The following EIF4G3 variants were observed in gnomAD, a reference collection of about 807,000 sequenced individuals.
EIF4G3 encodes eIF-4-gamma 3.
EIF4G3 carries 34 observed loss-of-function variants against 186.4 expected under a neutral mutation model. That is an observed-to-expected ratio of 0.18 (90% confidence interval 0.14 to 0.24). The LOEUF is 0.24. Among genes scored for constraint, EIF4G3 ranks in the 10% least tolerant of loss-of-function variants. EIF4G3 has a pLI of 1.00. For missense variants in EIF4G3, 1,536 were observed against 1,948.5 expected, an observed-to-expected ratio of 0.79 and a Z score of 3.99; for synonymous variants, 673 against 679.5, an observed-to-expected ratio of 0.99 and a Z score of 0.15.
At chr1:20,916,438 C>T (rs768990509) in intron 14 of EIF4G3, among the ~76,000 whole-genome samples, 1 of 151,070 alleles carries the variant, frequency 6.6e-6, no homozygotes, top group Non-Finnish European at 1.5e-5. Flanking sequence ...TAGAGAGAGA[C>T]TCTGTCTCAA....
intron 16 of EIF4G3, among the ~76,000 whole-genome samples, chr1:20,898,890 C>G (rs984600986): frequency 6.6e-6 from 1 of 152,154 alleles, no homozygotes; most frequent in African/African-American, 2.4e-5. Flanking sequence ...GCCACCACGC[C>G]CAGCTTATTT....
At chr1:20,881,629 A>G (rs970787388) in intron 19 of EIF4G3, among the ~76,000 whole-genome samples, 7 of 151,850 alleles carry the variant, frequency 4.6e-5, no homozygotes, top group Admixed American at 1.3e-4. Flanking sequence ...CCTACAAAAA[A>G]TACAAAAATC....
intron 19 of EIF4G3, among the ~76,000 whole-genome samples, chr1:20,881,650 G>A (rs950229120): frequency 4.0e-5 from 6 of 151,746 alleles, no homozygotes; most frequent in South Asian, 2.1e-4. Context: ...AGCTGAGCAC[G>A]GTGGCACGCA....
Position 21,001,191 on chromosome 1 carries a change from T to C in EIF4G3, c.144+8A>G, listed in dbSNP as rs2083440869. 4.2e-6 allele frequency: 2 copies of C among 471,450 alleles called. No individual in the cohort carries two copies. Among genetic ancestry groups the C allele is most frequent in the Non-Finnish European group, 8.8e-6 (2 of 227,122 alleles). 29.2% of individuals were successfully genotyped at this position (471,450 alleles called of 1,614,324 possible). On this transcript the variant is annotated splice_region_variant and intron_variant, in intron 6 of 36. Coordinates refer to ENST00000602326, the MANE Select transcript of EIF4G3 (RefSeq NM_001391906.1). The stretch of plus-strand genomic sequence containing the variant: ...CCTGCAAGAAGTACAGTTTGTTATA[T>C]TGCTTACAATGCAGTATTTTATCCA...
At chr1:20,963,051 T>C (rs1558460132) in intron 12 of EIF4G3, among the ~76,000 whole-genome samples, 1 of 151,926 alleles carries the variant, frequency 6.6e-6, no homozygotes, top group Admixed American at 6.6e-5. Flanking sequence ...CATGTCCAGA[T>C]TGCATATTTG....
At chr1:21,017,707 T>C (rs941563781) in intron 4 of EIF4G3, among the ~76,000 whole-genome samples, 3 of 150,468 alleles carry the variant, frequency 2.0e-5, no homozygotes, top group Non-Finnish European at 4.4e-5. Context: ...TTTGTGAGAG[T>C]TGGCATGAAA....
intron 4 of EIF4G3, among the ~76,000 whole-genome samples, chr1:21,021,242 C>G (rs1195633081): frequency 1.3e-5 from 2 of 152,208 alleles, no homozygotes; most frequent in African/African-American, 4.8e-5. Flanking sequence ...CCTCAGCCCC[C>G]CAAAGTGCTG....
chr1:20,932,647 G>T (rs563996615), intron 14 of EIF4G3, among the ~76,000 whole-genome samples: 1 of 152,018 alleles, frequency 6.6e-6, no homozygotes, highest in Admixed American at 6.6e-5. Flanking sequence ...AAGAACTGCC[G>T]GTTGGTGGAG....
Position 21,166,098 on chromosome 1 carries a change from C to A in EIF4G3, c.-272+10077G>T, listed in dbSNP as rs2097850053. Among the ~76,000 whole-genome samples the A allele has an allele frequency of 4.0e-5, 6 of 148,474 alleles. No homozygotes were observed. The South Asian group carries it at 1.3e-3, about 32-fold the overall frequency. On this transcript the variant is annotated intron_variant, in intron 2 of 36. Coordinates refer to ENST00000602326, the MANE Select transcript of EIF4G3 (RefSeq NM_001391906.1). ...CCACCTCTGCCTATCTAAACCCTGA[C>A]TATAGTCTTAAACTCTTTTTTTTCC...
chr1:20,977,992 T>C (rs1570176859), intron 10 of EIF4G3, among the ~76,000 whole-genome samples: 1 of 152,196 alleles, frequency 6.6e-6, no homozygotes, highest in African/African-American at 2.4e-5. Flanking sequence ...TTAAAAATGA[T>C]GTTGTAAATT....
chr1:21,170,178 A>AAAATAAAT (rs112846073), intron 2 of EIF4G3, among the ~76,000 whole-genome samples: 56,560 of 146,546 alleles, frequency 0.39, 11,834 homozygotes, highest in Non-Finnish European at 0.47. Flanking sequence ...CTCCATCTCA[A>AAAATAAAT]AAATAAATAA....
rs78645230 is a variant in EIF4G3 at position 20,937,096 on chromosome 1, T to C, written c.1663+4395A>G. 1.8e-3 allele frequency among the ~76,000 whole-genome samples: 277 copies of C among 152,322 alleles called. 1 individual carries two copies. The highest frequency in any genetic ancestry group is 6.4e-3 in the African/African-American group (267 of 41,570). ...TAAGAAAAGAGAGATCTTGGATCCCTGCAAAGTGGGAACCTGGAACTGAGA... is the reference window on the plus strand; with the variant it reads ...TAAGAAAAGAGAGATCTTGGATCCCCGCAAAGTGGGAACCTGGAACTGAGA... On this transcript the variant is annotated intron_variant, in intron 14 of 36. Coordinates refer to ENST00000602326, the MANE Select transcript of EIF4G3 (RefSeq NM_001391906.1).
chr1:21,068,390 A>AAAAAAAAAAAAC (rs2095333619), intron 3 of EIF4G3, among the ~76,000 whole-genome samples: 3 of 150,222 alleles, frequency 2.0e-5, no homozygotes, highest in Admixed American at 6.6e-5. Context: ...AAAAAAAAAA[A>AAAAAAAAAAAAC]AAAAAAAAAA....
chr1:20,986,305 T>C (rs1570413874), intron 7 of EIF4G3, among the ~76,000 whole-genome samples: 1 of 152,212 alleles, frequency 6.6e-6, no homozygotes, highest in East Asian at 1.9e-4. Context: ...GCAGTTTTGA[T>C]ATTTTACTAC....
chr1:20,810,792 G>A lies in EIF4G3; in HGVS notation c.4690C>T (p.Leu1564=). The change falls in exon 36 of 37, where the codon CTG becomes TTG. Residue 1564 remains leucine, a synonymous_variant. Transcript: ENST00000602326. The surrounding 1 kb of genome is among the most constrained non-coding windows in gnomAD (Gnocchi z 4.1). ...GCTTGTAGTGCATAAAGTGCTTGCA[G>A]TTCCTTCTCTGTATCTGAGTCTAGG... The part of the protein sequence containing the change: ...KYLDSDTEKE[L]QALYALQASI... The A allele has an allele frequency of 1.2e-6, 2 of 1,614,130 alleles. No homozygotes were observed. Among genetic ancestry groups the A allele is most frequent in the Non-Finnish European group, 1.7e-6 (2 of 1,180,000 alleles).
At chr1:21,071,863 A>G (rs2100374795) in intron 3 of EIF4G3, among the ~76,000 whole-genome samples, 1 of 152,252 alleles carries the variant, frequency 6.6e-6, no homozygotes, top group South Asian at 2.1e-4. Context: ...TTAAACAGCT[A>G]CTTCCCAAAT....
chr1:20,845,241 A>G (rs182301674), intron 29 of EIF4G3, among the ~76,000 whole-genome samples: 78 of 152,290 alleles, frequency 5.1e-4, no homozygotes, highest in African/African-American at 1.7e-3. Flanking sequence ...TGTTTTTGTC[A>G]GGTTTGTTGA....
In EIF4G3 at chr1:20,930,810, C is replaced by T. The variant is rs534170785; in HGVS notation, c.1663+10681G>A. ...TGTCCATGAAGGTTAGAATCAACTTCTTCCAAATGCTTATTAATGTTGATA... is the reference window on the plus strand; with the variant it reads ...TGTCCATGAAGGTTAGAATCAACTTTTTCCAAATGCTTATTAATGTTGATA... On this transcript the variant is annotated intron_variant, in intron 14 of 36. Transcript: ENST00000602326. Among the ~76,000 whole-genome samples, 11 of 152,298 alleles carry T rather than the reference C, an allele frequency of 7.2e-5. No homozygotes were observed. The South Asian group carries it at 2.3e-3, about 32-fold the overall frequency.
chr1:20,852,570 CT>C (rs1300246097), intron 27 of EIF4G3, among the ~76,000 whole-genome samples: 5 of 152,158 alleles, frequency 3.3e-5, no homozygotes, highest in Non-Finnish European at 7.3e-5. Context: ...CCTGATTCGT[CT>C]TCTTTTAGAC....
Sources: allele counts gnomAD v4.1 joint callset (sites outside exome capture counted in the v4.1 genomes callset), GRCh38; gene constraint gnomAD v4.1.1; non-coding constraint Gnocchi (gnomAD v3.1); transcripts MANE v1.5; gene names NCBI Gene and HGNC (gene_info 2026-07-23, HGNC 2026-07-21).